The following MYO3A variants were observed in gnomAD, a reference collection of about 807,000 sequenced individuals.
MYO3A encodes myosin IIIA, also known as myosin-IIIa.
In MYO3A, 180 loss-of-function variants were observed where a neutral mutation model predicts 192.7. The ratio of observed to expected loss-of-function variants is 0.93; its 90% CI spans 0.83 to 1.06. The LOEUF (loss-of-function observed/expected upper bound fraction) is 1.06. Ranked by LOEUF, MYO3A falls within the 50% of genes least tolerant of loss-of-function variation. MYO3A has a pLI of 0.00. For synonymous variants in MYO3A, 628 were observed against 645.3 expected, an observed-to-expected ratio of 0.97 and a Z score of 0.41; for missense variants, 1,896 against 1,905.0, an observed-to-expected ratio of 1.00 and a Z score of 0.09.
At chr10:26,035,697 C>T (rs181438406) in intron 10 of MYO3A, among the ~76,000 whole-genome samples, 5 of 152,298 alleles carry the variant, frequency 3.3e-5, no homozygotes, top group African/African-American at 9.6e-5. Flanking sequence ...AAAGCTGTAA[C>T]TCAAGTATAA....
intron 20 of MYO3A, 103 bp downstream of exon 20, chr10:26,128,641 T>C: frequency 8.2e-7 from 1 of 1,221,412 alleles, no homozygotes; most frequent in Non-Finnish European, 1.2e-6. Flanking sequence ...GCCTTAAACA[T>C]TTTAGAAAGA....
chr10:25,954,842 A>G, intron 3 of MYO3A, 32 bp from the exon 4 acceptor site: 8 of 1,602,368 alleles, frequency 5.0e-6, no homozygotes, highest in Non-Finnish European at 6.8e-6. Context: ...TGGTTTTCTC[A>G]CAGTTCTATT....
At chr10:26,065,446 C>T (rs971047408) in intron 10 of MYO3A, among the ~76,000 whole-genome samples, 7 of 151,676 alleles carry the variant, frequency 4.6e-5, no homozygotes, top group Non-Finnish European at 1.0e-4. Context: ...ATTAGCTGAG[C>T]GTGGTGGCCA....
At chr10:25,999,953 G>C (rs1483155707) in intron 6 of MYO3A, among the ~76,000 whole-genome samples, 1 of 152,056 alleles carries the variant, frequency 6.6e-6, no homozygotes. Context: ...CCTAGTTCTA[G>C]CCCTCATCTC....
intron 4 of MYO3A, among the ~76,000 whole-genome samples, chr10:25,990,176 G>A (rs970387075): frequency 6.6e-6 from 1 of 152,014 alleles, no homozygotes; most frequent in African/African-American, 2.4e-5. Flanking sequence ...CCTTCCTCTT[G>A]TTTTTGTATG....
At chr10:26,005,989 G>T (rs533590459) in intron 6 of MYO3A, among the ~76,000 whole-genome samples, 2 of 151,980 alleles carry the variant, frequency 1.3e-5, no homozygotes, top group Non-Finnish European at 2.9e-5. Context: ...AGAGCTTTAT[G>T]ATTCAAGCAG....
In MYO3A at chr10:26,064,692, C is replaced by G. The variant is rs140016621; in HGVS notation, c.954-2283C>G. Among the ~76,000 whole-genome samples, 957 of 152,034 alleles carry G rather than the reference C, an allele frequency of 6.3e-3. 12 individuals carry two copies. The highest frequency in any genetic ancestry group is 0.022 in the African/African-American group (897 of 41,438). On this transcript the variant is annotated intron_variant, in intron 10 of 34. Coordinates refer to ENST00000642920, the MANE Select transcript of MYO3A (RefSeq NM_017433.5). ...GGATGGTGGGGAGAAATGTCTAGCC[C>G]TAGATAGAATTTGATGATAGAGCTG... is the stretch of plus-strand genomic sequence containing the variant.
intron 4 of MYO3A, among the ~76,000 whole-genome samples, chr10:25,969,294 A>G (rs1021543075): frequency 6.6e-6 from 1 of 152,180 alleles, no homozygotes; most frequent in Admixed American, 6.5e-5. Flanking sequence ...TAATTGTTCC[A>G]TTTTACTAGT....
intron 2 of MYO3A, among the ~76,000 whole-genome samples, chr10:25,944,396 A>C (rs1417708819): frequency 1.3e-5 from 2 of 151,960 alleles, no homozygotes; most frequent in African/African-American, 4.8e-5. Flanking sequence ...TGGTGTCAGG[A>C]TAATGCTGGC....
rs765720091 is a variant in MYO3A at position 26,067,055 on chromosome 10, C to T, written c.1034C>T (p.Thr345Ile). 1 of 1,610,646 alleles carries T rather than the reference C, an allele frequency of 6.2e-7. No homozygotes were observed. The highest frequency in any genetic ancestry group is 8.5e-7 in the Non-Finnish European group (1 of 1,176,972). Residue 345 changes from threonine (T) to isoleucine (I), a missense_variant, in exon 11 of 35, where the codon ACC becomes ATC. Transcript: ENST00000642920. ...CTGAAGGATGTAGATGATTTAGCAA[C>T]CCTAGAAATTTTGGATGAGGTAAGA... ...SNLKDVDDLATLEILDENTVS... is the reference protein window; with the variant it reads ...SNLKDVDDLAILEILDENTVS...
chr10:26,165,970 C>G, intron 26 of MYO3A, 97 bp from the exon 27 acceptor site: 1 of 1,011,630 alleles, frequency 9.9e-7, no homozygotes, highest in Non-Finnish European at 1.6e-6. Flanking sequence ...CTGGGCATCT[C>G]TTCCTCAGCC....
At chr10:26,041,176 T>C (rs1253337908) in intron 10 of MYO3A, among the ~76,000 whole-genome samples, 1 of 152,112 alleles carries the variant, frequency 6.6e-6, no homozygotes, top group African/African-American at 2.4e-5. Flanking sequence ...GTTTTTGTCT[T>C]GAAATCTATT....
At chr10:25,972,453 CT>C (rs949959355) in intron 4 of MYO3A, among the ~76,000 whole-genome samples, 11 of 151,694 alleles carry the variant, frequency 7.3e-5, no homozygotes, top group Non-Finnish European at 1.6e-4. Flanking sequence ...ACAAGCCCTT[CT>C]TTTTTTCATG....
intron 6 of MYO3A, among the ~76,000 whole-genome samples, chr10:26,008,558 G>A (rs1415023078): frequency 4.0e-5 from 6 of 150,142 alleles, no homozygotes; most frequent in Admixed American, 1.3e-4. Flanking sequence ...CCCTCAAAAA[G>A]TGGGCGAAGG....
chr10:25,965,135 G>A (rs896757166), intron 4 of MYO3A, among the ~76,000 whole-genome samples: 3 of 152,134 alleles, frequency 2.0e-5, no homozygotes, highest in African/African-American at 7.2e-5. Flanking sequence ...CGTGGATATT[G>A]ATATCTTTCT....
chr10:26,012,695 C>G (rs778566868), intron 6 of MYO3A, among the ~76,000 whole-genome samples: 1 of 151,908 alleles, frequency 6.6e-6, no homozygotes, highest in Non-Finnish European at 1.5e-5. Context: ...AATGCCATTC[C>G]CATCAAAATA....
intron 20 of MYO3A, among the ~76,000 whole-genome samples, chr10:26,131,651 A>G (rs1172372798): frequency 2.0e-5 from 3 of 152,286 alleles, no homozygotes; most frequent in East Asian, 1.9e-4. Context: ...TGTGTATAGA[A>G]GCATTATTTT....
intron 28 of MYO3A, among the ~76,000 whole-genome samples, chr10:26,170,115 A>T (rs1375351024): frequency 6.6e-6 from 1 of 152,240 alleles, no homozygotes; most frequent in Non-Finnish European, 1.5e-5. Flanking sequence ...AATGAAAATG[A>T]TTATTACTGA....
At chr10:26,093,436 G>A (rs1327141940) in intron 15 of MYO3A, among the ~76,000 whole-genome samples, 1 of 152,184 alleles carries the variant, frequency 6.6e-6, no homozygotes, top group Non-Finnish European at 1.5e-5. Flanking sequence ...TGCAATGTTG[G>A]TGTTACTTGC....
Sources: allele counts gnomAD v4.1 joint callset (sites outside exome capture counted in the v4.1 genomes callset), GRCh38; gene constraint gnomAD v4.1.1; transcripts MANE v1.5; gene names NCBI Gene and HGNC (gene_info 2026-07-23, HGNC 2026-07-21).